The following ADAMTS12 variants were observed in gnomAD, a reference collection of about 807,000 sequenced individuals.
The protein encoded by ADAMTS12 is A disintegrin and metalloproteinase with thrombospondin motifs 12.
In ADAMTS12, 118 loss-of-function variants were observed where a neutral mutation model predicts 167.8. The ratio of observed to expected loss-of-function variants is 0.70; its 90% CI spans 0.61 to 0.82. The LOEUF (loss-of-function observed/expected upper bound fraction) is 0.82. Ranked by LOEUF, ADAMTS12 falls within the 40% of genes least tolerant of loss-of-function variation. ADAMTS12 has a pLI of 0.00. For synonymous variants in ADAMTS12, 704 were observed against 716.9 expected, an observed-to-expected ratio of 0.98 and a Z score of 0.29; for missense variants, 1,916 against 1,998.8, an observed-to-expected ratio of 0.96 and a Z score of 0.79.
intron 2 of ADAMTS12, among the ~76,000 whole-genome samples, chr5:33,814,904 C>CA (rs75481443): frequency 0.32 from 48,065 of 151,890 alleles, 7,857 homozygotes; most frequent in East Asian, 0.52. Context: ...GTGATGGAGA[C>CA]AAATTCTCGA....
intron 12 of ADAMTS12, among the ~76,000 whole-genome samples, chr5:33,632,435 T>C (rs954929060): frequency 4.3e-5 from 3 of 69,006 alleles, no homozygotes; most frequent in African/African-American, 1.1e-4. Context: ...AAGAGAAAGA[T>C]AAAAGCAAAT....
At chr5:33,776,751 A>C (rs529492360) in intron 2 of ADAMTS12, among the ~76,000 whole-genome samples, 1 of 152,130 alleles carries the variant, frequency 6.6e-6, no homozygotes, top group Admixed American at 6.5e-5. Context: ...AAACTAGAAA[A>C]TTAATAGAAG....
intron 3 of ADAMTS12, among the ~76,000 whole-genome samples, chr5:33,716,755 G>A (rs1743630788): frequency 6.6e-6 from 1 of 152,070 alleles, no homozygotes; most frequent in East Asian, 1.9e-4. Flanking sequence ...TAGCAATGAT[G>A]GATCATCATG....
chr5:33,883,796 A>G (rs1750542691), intron 1 of ADAMTS12, among the ~76,000 whole-genome samples: 1 of 152,252 alleles, frequency 6.6e-6, no homozygotes, highest in Non-Finnish European at 1.5e-5. Context: ...CTAGTGTGCC[A>G]TGAACTGAGG....
At chr5:33,891,227 C>CA (rs1417264546) in intron 1 of ADAMTS12, among the ~76,000 whole-genome samples, 1 of 152,126 alleles carries the variant, frequency 6.6e-6, no homozygotes, top group African/African-American at 2.4e-5. Flanking sequence ...TTCAAAAATA[C>CA]AACCCTAAAT....
intron 2 of ADAMTS12, among the ~76,000 whole-genome samples, chr5:33,775,626 A>G (rs1745887010): frequency 6.6e-6 from 1 of 152,218 alleles, no homozygotes; most frequent in South Asian, 2.1e-4. Flanking sequence ...GAACTAAGGA[A>G]TCCATGTGAG....
intron 9 of ADAMTS12, among the ~76,000 whole-genome samples, chr5:33,645,532 C>T (rs1740631582): frequency 6.6e-6 from 1 of 152,170 alleles, no homozygotes; most frequent in African/African-American, 2.4e-5. Context: ...GTTATCTCCA[C>T]TTCAGCCTCA....
chr5:33,650,239 C>G (rs1740824172), intron 7 of ADAMTS12, among the ~76,000 whole-genome samples: 1 of 152,158 alleles, frequency 6.6e-6, no homozygotes, highest in African/African-American at 2.4e-5. Flanking sequence ...ATTTTTAAGA[C>G]AGATGATCTG....
intron 3 of ADAMTS12, among the ~76,000 whole-genome samples, chr5:33,748,059 G>C (rs1279530090): frequency 1.3e-5 from 2 of 152,176 alleles, no homozygotes. Context: ...TGAAATCCCA[G>C]ACTCTGACCT....
chr5:33,580,711 C>G (rs1000524106), intron 18 of ADAMTS12, among the ~76,000 whole-genome samples: 3 of 152,118 alleles, frequency 2.0e-5, no homozygotes, highest in Non-Finnish European at 2.9e-5. Context: ...ACCTACCAAC[C>G]AACCAACAAG....
At chr5:33,850,343 G>A (rs539872919) in intron 2 of ADAMTS12, among the ~76,000 whole-genome samples, 20 of 152,262 alleles carry the variant, frequency 1.3e-4, no homozygotes, top group Admixed American at 4.6e-4. Flanking sequence ...TGGCCACGGC[G>A]ACCTCTGGGA....
At chr5:33,748,378 G>A (rs1744865375) in intron 3 of ADAMTS12, among the ~76,000 whole-genome samples, 1 of 151,994 alleles carries the variant, frequency 6.6e-6, no homozygotes, top group Non-Finnish European at 1.5e-5. Flanking sequence ...ATTGCAGCAG[G>A]GCTTAGCAAA....
chr5:33,817,605 C>G (rs1301704563), intron 2 of ADAMTS12, among the ~76,000 whole-genome samples: 1 of 152,180 alleles, frequency 6.6e-6, no homozygotes, highest in Non-Finnish European at 1.5e-5. Context: ...TACCCACCCA[C>G]TTCCCCCAAA....
chr5:33,791,340 A>C (rs750357673), intron 2 of ADAMTS12, among the ~76,000 whole-genome samples: 1 of 152,224 alleles, frequency 6.6e-6, no homozygotes, highest in Non-Finnish European at 1.5e-5. Context: ...CAAGTCACCT[A>C]AACTTTTCTG....
At chr5:33,714,542 T>C (rs1359149893) in intron 3 of ADAMTS12, among the ~76,000 whole-genome samples, 2 of 152,012 alleles carry the variant, frequency 1.3e-5, no homozygotes, top group Non-Finnish European at 2.9e-5. Context: ...AGATATGGAA[T>C]CAACCTAAAT....
intron 3 of ADAMTS12, among the ~76,000 whole-genome samples, chr5:33,710,877 A>C (rs960425869): frequency 5.3e-5 from 8 of 152,162 alleles, no homozygotes; most frequent in African/African-American, 1.9e-4. Flanking sequence ...AAAAATCTTA[A>C]TGAGTACTAA....
chr5:33,891,331 A>C (rs1750841225), intron 1 of ADAMTS12, among the ~76,000 whole-genome samples: 1 of 152,216 alleles, frequency 6.6e-6, no homozygotes, highest in Non-Finnish European at 1.5e-5. Flanking sequence ...ACTAACTAGA[A>C]ACACTGCAAT....
chr5:33,570,434 C>A (rs893987953), intron 19 of ADAMTS12, among the ~76,000 whole-genome samples: 1 of 152,008 alleles, frequency 6.6e-6, no homozygotes, highest in African/African-American at 2.4e-5. Context: ...AGAGTGGGGG[C>A]CAATATTCAA....
chr5:33,703,937 C>T (rs1743094962), intron 3 of ADAMTS12, among the ~76,000 whole-genome samples: 1 of 152,190 alleles, frequency 6.6e-6, no homozygotes, highest in Non-Finnish European at 1.5e-5. Context: ...CCCAGACAGG[C>T]CAGTTTTAGC....
Sources: gnomAD v4.1 joint callset for allele counts (sites outside exome capture counted in the v4.1 genomes callset) on GRCh38, gnomAD v4.1.1 for gene constraint, MANE v1.5 for transcripts, NCBI Gene and HGNC (gene_info 2026-07-23, HGNC 2026-07-21) for gene names.